The following FAM20B variants were observed in gnomAD, a reference collection of about 807,000 sequenced individuals.
FAM20B encodes FAM20B glycosaminoglycan xylosylkinase, also known as glycosaminoglycan xylosylkinase.
FAM20B carries 23 observed loss-of-function variants against 43.8 expected under a neutral mutation model. The observed-to-expected ratio is 0.53, with a 90% confidence interval of 0.38 to 0.74. FAM20B has a LOEUF of 0.74. FAM20B is among the 30% of genes least tolerant of loss of function. The pLI, the probability that FAM20B is intolerant of heterozygous loss-of-function variation, is 0.00. For missense variants in FAM20B, 440 were observed against 510.5 expected (o/e 0.86, Z 1.33); for synonymous variants, 178 against 192.4 (o/e 0.93, Z 0.62).
At chr1:179,061,443 C>CACCCAGGCTGGAGTGCAGTGGCACGAT (rs1651461498) in intron 4 of FAM20B, among the ~76,000 whole-genome samples, 1 of 152,074 alleles carries the variant, frequency 6.6e-6, no homozygotes, top group Admixed American at 6.5e-5. Flanking sequence ...CTCACCCTGT[C>CACCCAGGCTGGAGTGCAGTGGCACGAT]ACCCAGGCTG....
intron 1 of FAM20B, among the ~76,000 whole-genome samples, chr1:179,040,624 G>A (rs1258664340): frequency 7.4e-6 from 1 of 135,052 alleles, no homozygotes; most frequent in South Asian, 2.3e-4. Flanking sequence ...GGGCAGAGGC[G>A]CCCCTCACCT....
chr1:179,047,530 C>T (rs1259470463), intron 2 of FAM20B, among the ~76,000 whole-genome samples: 1 of 151,944 alleles, frequency 6.6e-6, no homozygotes, highest in Non-Finnish European at 1.5e-5. Context: ...TCCTAAACAG[C>T]CTGTGTCCAC....
intron 4 of FAM20B, among the ~76,000 whole-genome samples, chr1:179,060,318 G>A (rs1651409132): frequency 6.6e-6 from 1 of 152,084 alleles, no homozygotes; most frequent in African/African-American, 2.4e-5. Context: ...CCAATATTTT[G>A]TTTTTACAAC....
intron 1 of FAM20B, among the ~76,000 whole-genome samples, chr1:179,031,058 C>G (rs1649990226): frequency 6.6e-6 from 1 of 152,062 alleles, no homozygotes; most frequent in Non-Finnish European, 1.5e-5. Context: ...GAACATAAGG[C>G]TAAAAATGCG....
At chr1:179,040,412 C>A (rs1216798157) in intron 1 of FAM20B, among the ~76,000 whole-genome samples, 2 of 150,232 alleles carry the variant, frequency 1.3e-5, no homozygotes, top group Non-Finnish European at 3.0e-5. Context: ...GGCAGAGGGG[C>A]TCCTCACTTC....
chr1:179,026,649 G>A (rs1218584584), intron 1 of FAM20B, among the ~76,000 whole-genome samples: 1 of 152,238 alleles, frequency 6.6e-6, no homozygotes, highest in African/African-American at 2.4e-5. Context: ...CGGGGCCCGC[G>A]GTCTCCTGGG....
At chr1:179,065,299 C>T (rs895285469) in intron 6 of FAM20B, among the ~76,000 whole-genome samples, 2 of 151,806 alleles carry the variant, frequency 1.3e-5, no homozygotes, top group African/African-American at 2.4e-5. Flanking sequence ...TACAGGCACT[C>T]GCTAATTTTG....
intron 1 of FAM20B, among the ~76,000 whole-genome samples, chr1:179,030,302 TAA>T (rs879349734): frequency 6.9e-6 from 1 of 144,196 alleles, no homozygotes. Context: ...TAGTTTTCTG[TAA>T]AAAAAAAAAC....
intron 1 of FAM20B, among the ~76,000 whole-genome samples, chr1:179,038,096 G>T (rs1650326022): frequency 6.6e-6 from 1 of 152,156 alleles, no homozygotes; most frequent in African/African-American, 2.4e-5. Flanking sequence ...CATTCTAAAT[G>T]AATGAGCAAT....
chr1:179,062,674 CA>C (rs907914346), intron 4 of FAM20B, among the ~76,000 whole-genome samples: 13 of 150,380 alleles, frequency 8.6e-5, no homozygotes, highest in Non-Finnish European at 1.0e-4. Context: ...AAAAAACAAA[CA>C]AAAAAAAACA....
chr1:179,050,132 A>AT (rs1482776224), intron 2 of FAM20B, 147 bp from the exon 3 acceptor site: 25 of 568,978 alleles, frequency 4.4e-5, no homozygotes, highest in Non-Finnish European at 7.0e-5. Flanking sequence ...CCGGCAATTC[A>AT]TGCTAATCCA....
At chr1:179,040,434 G>A (rs1410451265) in intron 1 of FAM20B, among the ~76,000 whole-genome samples, 1 of 148,626 alleles carries the variant, frequency 6.7e-6, no homozygotes, top group Non-Finnish European at 1.5e-5. Context: ...CAGTAGGGGC[G>A]GCCGGGCAGA....
At chr1:179,037,580 G>T (rs1464922214) in intron 1 of FAM20B, among the ~76,000 whole-genome samples, 1 of 141,174 alleles carries the variant, frequency 7.1e-6, no homozygotes. Flanking sequence ...TCCCTCCCAG[G>T]TTCAAGCTAT....
upstream of FAM20B, among the ~76,000 whole-genome samples, chr1:179,022,627 C>T (rs185874087): frequency 1.1e-3 from 174 of 152,304 alleles, no homozygotes; most frequent in Non-Finnish European, 1.9e-3. Flanking sequence ...AAAATGCTTA[C>T]AATGATGAAG....
Position 179,064,102 on chromosome 1 carries a change from A to G in FAM20B, c.746+4A>G. 3.7e-6 allele frequency: 6 copies of G among 1,607,642 alleles called. No individual in the cohort carries two copies. Among genetic ancestry groups the G allele is most frequent in the Non-Finnish European group, 5.1e-6 (6 of 1,176,760 alleles). ...ACCGAGAAGGCAAATTGGCCAGGTA[A>G]ATGCTCCTATGAGCCATTACTTAAT... is the stretch of plus-strand genomic sequence containing the variant. On this transcript the variant is annotated splice_donor_region_variant and intron_variant, in intron 5 of 7. Coordinates refer to ENST00000263733, the MANE Select transcript of FAM20B (RefSeq NM_014864.4).
chr1:179,048,014 T>A (rs1320602001), intron 2 of FAM20B, among the ~76,000 whole-genome samples: 1 of 152,176 alleles, frequency 6.6e-6, no homozygotes, highest in African/African-American at 2.4e-5. Context: ...GTGTGTGCAG[T>A]ATAGGTAGAT....
At chr1:179,034,965 G>T (rs1390020493) in intron 1 of FAM20B, among the ~76,000 whole-genome samples, 11 of 152,192 alleles carry the variant, frequency 7.2e-5, no homozygotes, top group Admixed American at 7.2e-4. Context: ...GTTGCTATGA[G>T]CAGAGGTTGG....
At chr1:179,029,281 A>T (rs150993488) in intron 1 of FAM20B, among the ~76,000 whole-genome samples, 1 of 152,174 alleles carries the variant, frequency 6.6e-6, no homozygotes, top group African/African-American at 2.4e-5. Context: ...GTTTTCCTTC[A>T]GCTGTCTCTG....
the FAM20B span, among the ~76,000 whole-genome samples, chr1:179,017,505 G>GT: frequency 6.6e-6 from 1 of 152,194 alleles, no homozygotes; most frequent in Non-Finnish European, 1.5e-5. Flanking sequence ...TTGCCAGTCT[G>GT]TGTTTGCGTA....
Sources: gnomAD v4.1 joint callset for allele counts (sites outside exome capture counted in the v4.1 genomes callset) on GRCh38, gnomAD v4.1.1 for gene constraint, MANE v1.5 for transcripts, NCBI Gene and HGNC (gene_info 2026-07-23, HGNC 2026-07-21) for gene names.